The following CACHD1 variants were observed in gnomAD, a reference collection of about 807,000 sequenced individuals.
CACHD1 encodes cache domain containing 1, also known as VWFA and cache domain-containing protein 1.
In CACHD1, 71 loss-of-function variants were observed where a neutral mutation model predicts 138.7. That is an observed-to-expected ratio of 0.51 (90% CI 0.42 to 0.62). The LOEUF (loss-of-function observed/expected upper bound fraction) is 0.62, where lower values mean the gene tolerates loss of function less well. Ranked by LOEUF, CACHD1 falls within the 20% of genes least tolerant of loss-of-function variation. The pLI, the probability that CACHD1 is intolerant of heterozygous loss-of-function variation, is 0.00. For synonymous variants in CACHD1, 578 were observed against 591.5 expected (o/e 0.98, Z 0.33); for missense variants, 1,389 against 1,625.3 (o/e 0.85, Z 2.50).
At chr1:64,660,688 G>A (rs556313980) in intron 13 of CACHD1, among the ~76,000 whole-genome samples, 127 of 151,894 alleles carry the variant, frequency 8.4e-4, no homozygotes, top group African/African-American at 2.6e-3. Context: ...GCACCACCAC[G>A]CCCGGCTAAT....
At chr1:64,480,404 A>T (rs1490789184) in intron 1 of CACHD1, among the ~76,000 whole-genome samples, 13 of 152,154 alleles carry the variant, frequency 8.5e-5, no homozygotes, top group Non-Finnish European at 1.5e-5. Flanking sequence ...CTTAGAATGA[A>T]AAAGAAAACT....
At position 64,557,679 on chromosome 1, in the gene CACHD1, C is replaced by T. The variant is rs186150551; in HGVS notation, c.261+7023C>T. On this transcript the variant is annotated intron_variant, in intron 2 of 26. Transcript: ENST00000651257. ...TTCTTGACCCCACTTTCCTTTCCAACTGCTGTCTAATTTCTTTGTTTCCCT... is the reference window on the plus strand; with the variant it reads ...TTCTTGACCCCACTTTCCTTTCCAATTGCTGTCTAATTTCTTTGTTTCCCT... Among the ~76,000 whole-genome samples, 170 of 152,238 alleles carry T rather than the reference C, an allele frequency of 1.1e-3. 1 individual carries two copies. The highest frequency in any genetic ancestry group is 4.0e-3 in the African/African-American group (165 of 41,562).
chr1:64,647,202 A>G (rs1432971800), intron 8 of CACHD1, among the ~76,000 whole-genome samples: 1 of 152,240 alleles, frequency 6.6e-6, no homozygotes, highest in African/African-American at 2.4e-5. Flanking sequence ...TATTAAGTAA[A>G]TCAAGTTCAG....
At chr1:64,602,120 C>T (rs2100577016) in intron 3 of CACHD1, among the ~76,000 whole-genome samples, 1 of 152,272 alleles carries the variant, frequency 6.6e-6, no homozygotes, top group African/African-American at 2.4e-5. Context: ...AGCTCTAGTA[C>T]TAGCATTACA....
At chr1:64,550,762 C>G in intron 2 of CACHD1, 106 bp downstream of exon 2, 1 of 725,152 alleles carries the variant, frequency 1.4e-6, no homozygotes, top group Non-Finnish European at 2.4e-6. Context: ...TGTTCTTTCT[C>G]TCTGTATAAT....
At chr1:64,661,107 C>G (rs879644392) in intron 13 of CACHD1, among the ~76,000 whole-genome samples, 1 of 151,926 alleles carries the variant, frequency 6.6e-6, no homozygotes, top group Admixed American at 6.6e-5. Context: ...GAAAATGAAC[C>G]AAGGTAATTA....
At chr1:64,577,553 C>T (rs986234878) in intron 2 of CACHD1, among the ~76,000 whole-genome samples, 27 of 152,122 alleles carry the variant, frequency 1.8e-4, no homozygotes, top group African/African-American at 6.3e-4. Context: ...CCCAGCCCTA[C>T]CACTTACTAG....
In CACHD1 at chr1:64,582,282, A is replaced by G; in HGVS notation, c.388A>G (p.Thr130Ala). 1.2e-6 allele frequency: 2 copies of G among 1,613,850 alleles called. No homozygotes were observed. The highest frequency in any genetic ancestry group is 8.5e-7 in the Non-Finnish European group (1 of 1,179,784). ...SPLTAIQDCC[T>A]IPPSMMEFDG... ...CCTAACTGCAATTCAAGACTGCTGT[A>G]CTATCCCACCTTCCATGATGGAGTA... Residue 130 changes from threonine to alanine, a missense_variant, in exon 3 of 27, where the codon ACT (threonine) becomes GCT (alanine). Coordinates refer to ENST00000651257, the MANE Select transcript of CACHD1 (RefSeq NM_020925.4).
Position 64,686,370 on chromosome 1 carries a change from T to C in CACHD1, c.3586+4264T>C, listed in dbSNP as rs531764197. ...CTAAACTTAGAAACTTTAGGGTGTA[T>C]TTTTATTTAGAAATATTTTATGTGG... On this transcript the variant is annotated intron_variant, in intron 26 of 26. Transcript: ENST00000651257. Among the ~76,000 whole-genome samples the C allele has an allele frequency of 2.0e-5, 3 of 152,350 alleles. No homozygotes were observed. The South Asian group carries it at 6.2e-4, about 32-fold the overall frequency.
Position 64,470,835 on chromosome 1 carries a change from C to A in CACHD1, c.91C>A (p.Leu31Met). ...GCTCTGCCTGGTCGCGTGCTGGCTC[C>A]TGGGCGCCGGGGCCGAAGCCGACTT... Reference protein sequence around the residue: ...WLLCLVACWLLGAGAEADFSI... With the variant: ...WLLCLVACWLMGAGAEADFSI... Residue 31 changes from leucine to methionine, a missense_variant, in exon 1 of 27, where the codon CTG becomes ATG. Leu to Met is a conservative substitution (Grantham distance 15). Transcript: ENST00000651257. This position sits in a 1 kb window ranked among gnomAD's most constrained non-coding sequence, Gnocchi z 5.2. 6.4e-7 allele frequency: 1 copy of A among 1,562,892 alleles called. No individual in the cohort carries two copies. The highest frequency in any genetic ancestry group is 8.7e-7 in the Non-Finnish European group (1 of 1,155,058).
chr1:64,545,433 G>A (rs140925628), intron 1 of CACHD1, among the ~76,000 whole-genome samples: 1 of 152,240 alleles, frequency 6.6e-6, no homozygotes, highest in East Asian at 1.9e-4. Flanking sequence ...GTTTTGCCTG[G>A]TTTTGAACTT....
At position 64,470,329 on chromosome 1, in the gene CACHD1, C is replaced by T. The variant is rs947828741; in HGVS notation, c.-416C>T. 2.0e-5 allele frequency among the ~76,000 whole-genome samples: 3 copies of T among 151,978 alleles called. No individual in the cohort carries two copies. The highest frequency in any genetic ancestry group is 2.9e-5 in the Non-Finnish European group (2 of 67,974). On this transcript the variant is annotated 5_prime_UTR_variant, in exon 1 of 27. Transcript: ENST00000651257. This position sits in a 1 kb window ranked among gnomAD's most constrained non-coding sequence, Gnocchi z 5.2. ...CGCCGTCAGTCCTCGCCGCCGCCTG[C>T]TCGCTGCGCTGGGACTCGCAGGAAG...
At chr1:64,573,277 C>G (rs566178536) in intron 2 of CACHD1, among the ~76,000 whole-genome samples, 2 of 152,018 alleles carry the variant, frequency 1.3e-5, no homozygotes, top group Non-Finnish European at 2.9e-5. Flanking sequence ...CTATATAAGA[C>G]GAGGAAGAGA....
rs547074847 is a variant in CACHD1, at chr1:64,681,880, G to T, written c.3485-125G>T. 253 of 796,706 alleles carry T rather than the reference G, an allele frequency of 3.2e-4. 1 individual carries two copies. In the African/African-American group the frequency reaches 3.9e-3, roughly 12 times the overall value. 49.4% of individuals were successfully genotyped at this position (796,706 alleles called of 1,614,324 possible). On this transcript the variant is annotated intron_variant, in intron 25 of 26. Transcript: ENST00000651257. ...CAATCCCCAGAATTGTTTAAAAAAT[G>T]ATTTATTCTGGCTTTCCAAAGAGAA...
At chr1:64,550,005 G>A (rs1288294772) in intron 1 of CACHD1, among the ~76,000 whole-genome samples, 1 of 152,136 alleles carries the variant, frequency 6.6e-6, no homozygotes, top group Non-Finnish European at 1.5e-5. Context: ...CTTGTGTGCT[G>A]TAGTTTGGCC....
At chr1:64,568,851 AT>A (rs1028891682) in intron 2 of CACHD1, among the ~76,000 whole-genome samples, 1 of 152,084 alleles carries the variant, frequency 6.6e-6, no homozygotes, top group Non-Finnish European at 1.5e-5. Flanking sequence ...ATATATATCT[AT>A]TGTTTACAGT....
At chr1:64,634,410 A>G (rs574567623) in intron 7 of CACHD1, 150 bp downstream of exon 7, 120 of 323,994 alleles carry the variant, frequency 3.7e-4, no homozygotes, top group African/African-American at 2.5e-3. Context: ...ACCTTGAGAC[A>G]GAGTCTTGCT....
chr1:64,626,154 G>T (rs780884045), intron 4 of CACHD1, among the ~76,000 whole-genome samples: 3 of 152,186 alleles, frequency 2.0e-5, no homozygotes, highest in Non-Finnish European at 2.9e-5. Flanking sequence ...CTAAAATGAG[G>T]TTTATTGACC....
At chr1:64,547,949 A>G (rs1177083776) in intron 1 of CACHD1, among the ~76,000 whole-genome samples, 2 of 152,210 alleles carry the variant, frequency 1.3e-5, no homozygotes, top group Non-Finnish European at 2.9e-5. Context: ...CATTTAAAAC[A>G]TCTTTCTTGC....
Sources: gnomAD v4.1 joint callset for allele counts (sites outside exome capture counted in the v4.1 genomes callset) on GRCh38, gnomAD v4.1.1 for gene constraint, Gnocchi (gnomAD v3.1) non-coding constraint, MANE v1.5 for transcripts, NCBI Gene and HGNC (gene_info 2026-07-23, HGNC 2026-07-21) for gene names.